The following CASQ1 variants were observed in gnomAD, a reference collection of about 807,000 sequenced individuals.
CASQ1 encodes calsequestrin 1, also known as calsequestrin-1.
In CASQ1, 40 loss-of-function variants were observed where a neutral mutation model predicts 49.5. The observed-to-expected ratio is 0.81, with a 90% confidence interval of 0.63 to 1.05. CASQ1 has a LOEUF of 1.05. Among genes scored for constraint, CASQ1 ranks in the 50% least tolerant of loss-of-function variants. The pLI, the probability that CASQ1 is intolerant of heterozygous loss-of-function variation, is 0.00. For missense variants in CASQ1, 469 were observed against 486.9 expected, an observed-to-expected ratio of 0.96 and a Z score of 0.35; for synonymous variants, 174 against 187.2, an observed-to-expected ratio of 0.93 and a Z score of 0.58.
rs34489853 is a variant in CASQ1 at position 160,193,801 on chromosome 1, A to T, written c.419A>T (p.Tyr140Phe). 3.4e-3 allele frequency: 5,549 copies of T among 1,613,066 alleles called. 154 individuals carry two copies. In the African/African-American group the frequency reaches 0.062, roughly 18 times the overall value. The part of the protein sequence containing the change: ...YVFKGDEVIE[Y>F]DGEFSADTIV... ...TTCAAGGGAGATGAAGTCATTGAGT[A>T]CGATGGCGAGTTTTCTGCTGACACC... The change falls in exon 3 of 11, where the codon TAC becomes TTC. Residue 140 changes from tyrosine to phenylalanine, a missense_variant. Coordinates refer to ENST00000368078, the MANE Select transcript of CASQ1 (RefSeq NM_001231.5).
chr1:160,197,666 G>A lies in CASQ1; in HGVS notation c.828+52G>A, dbSNP rs1654273903. 3 of 1,299,486 alleles carry A rather than the reference G, an allele frequency of 2.3e-6. No individual in the cohort carries two copies. In the South Asian group the frequency reaches 3.5e-5, roughly 15 times the overall value. 80.5% of individuals were successfully genotyped at this position (1,299,486 alleles called of 1,614,324 possible). A position where few individuals can be genotyped will look rare whatever the true frequency, so the allele number is the denominator to read the frequency against. ...CCTCAGGGAAGCATGGGTGCCAGAA[G>A]ACTCAAGTCCTAGAAAAACCCCACC... On this transcript the variant is annotated intron_variant, in intron 7 of 10. Coordinates refer to ENST00000368078, the MANE Select transcript of CASQ1 (RefSeq NM_001231.5).
At position 160,195,942 on chromosome 1, in the gene CASQ1, G is replaced by A. The variant is rs761244024; in HGVS notation, c.697G>A (p.Glu233Lys). ...GAAGCTGAATGAGATTGATTTCTAC[G>A]AGGCCTTCATGGAAGAGCCTGTGAC... ...TLKLNEIDFY[E>K]AFMEEPVTIP... The change falls in exon 6 of 11, where the codon GAG (glutamate) becomes AAG (lysine). Residue 233 changes from glutamate to lysine, a missense_variant. Transcript: ENST00000368078. 2.0e-5 allele frequency: 33 copies of A among 1,613,858 alleles called. No homozygotes were observed. Among genetic ancestry groups the A allele is most frequent in the African/African-American group, 8.0e-5 (6 of 74,866 alleles).
chr1:160,198,685 T>G lies in CASQ1; in HGVS notation c.837T>G (p.Asp279Glu), dbSNP rs1553192858. 6 of 1,613,576 alleles carry G rather than the reference T, an allele frequency of 3.7e-6. No individual in the cohort carries two copies. The highest frequency in any genetic ancestry group is 5.1e-6 in the Non-Finnish European group (6 of 1,179,498). ...TTCTTACCCCCTGACAGGAGGATGA[T>G]ATGGATGGAATCCACATTGTGGCCT... ...PESMYETWED[D>E]MDGIHIVAFA... The change falls in exon 8 of 11, where the codon GAT becomes GAG. Residue 279 changes from aspartate (D) to glutamate (E), a missense_variant. By Grantham distance (45) the Asp-to-Glu change is conservative (BLOSUM62 2). Transcript: ENST00000368078.
chr1:160,197,686 C>T, intron 7 of CASQ1, 72 bp downstream of exon 7: 1 of 1,037,810 alleles, frequency 9.6e-7, no homozygotes, highest in Non-Finnish European at 1.5e-6. Flanking sequence ...CTAGAAAAAC[C>T]CCACCCTACT....
At chr1:160,195,217 C>T in intron 4 of CASQ1, 94 bp downstream of exon 4, 6 of 828,758 alleles carry the variant, frequency 7.2e-6, no homozygotes, top group Middle Eastern at 2.8e-4. Flanking sequence ...TCAGCCTCTA[C>T]CTCTGCACTT....
intron 6 of CASQ1, 43 bp downstream of exon 6, chr1:160,196,070 T>C: frequency 1.2e-6 from 2 of 1,604,214 alleles, no homozygotes; most frequent in South Asian, 1.1e-5. Flanking sequence ...CGGCTCCTCC[T>C]TGGGCTAGAA....
chr1:160,199,803 T>TG (rs745805395), intron 9 of CASQ1, 48 bp from the exon 10 acceptor site: 22 of 1,269,526 alleles, frequency 1.7e-5, no homozygotes, highest in Non-Finnish European at 2.5e-5. Flanking sequence ...CCTGGATTCA[T>TG]GTGCTCCCTA....
At chr1:160,192,977 G>A (rs1272990687) in intron 2 of CASQ1, 91 bp downstream of exon 2, 6 of 967,710 alleles carry the variant, frequency 6.2e-6, no homozygotes, top group Admixed American at 1.8e-5. Flanking sequence ...CTTGGGATCC[G>A]AGGGGCTTGG....
intron 9 of CASQ1, 98 bp from the exon 10 acceptor site, chr1:160,199,753 G>A: frequency 2.5e-6 from 2 of 810,884 alleles, no homozygotes; most frequent in Non-Finnish European, 4.3e-6. Flanking sequence ...AGTTCGCACT[G>A]TCCCCTCTCC....
Position 160,195,162 on chromosome 1 carries a change from T to C in CASQ1, c.577+39T>C, listed in dbSNP as rs1236408396. ...AGACTCCACTGTGCCCCTCTCTGGA[T>C]CCCCATCTCACCTGTCCTCCCACCT... On this transcript the variant is annotated intron_variant, in intron 4 of 10. Transcript: ENST00000368078. The C allele has an allele frequency of 3.8e-6, 5 of 1,304,336 alleles. No individual in the cohort carries two copies. The South Asian group carries it at 6.4e-5, about 17-fold the overall frequency. 80.8% of individuals were successfully genotyped at this position (1,304,336 alleles called of 1,614,324 possible). A position where few individuals can be genotyped will look rare whatever the true frequency, so the allele number is the denominator to read the frequency against.
In CASQ1 at chr1:160,190,801, T is replaced by A. The variant is rs1654055300; in HGVS notation, c.50T>A (p.Leu17Gln). 1 of 1,614,176 alleles carries A rather than the reference T, an allele frequency of 6.2e-7. No individual in the cohort carries two copies. The highest frequency in any genetic ancestry group is 8.5e-7 in the Non-Finnish European group (1 of 1,180,006). The stretch of plus-strand genomic sequence containing the variant: ...CCCAGAGCTGTGCCGGGTCTGCGGC[T>A]GGCACTGCTGTTGCTGCTGGTGCTA... Reference protein sequence around the residue: ...MGPRAVPGLRLALLLLLVLGT... With the variant: ...MGPRAVPGLRQALLLLLVLGT... Residue 17 changes from leucine (L) to glutamine (Q), a missense_variant, in exon 1 of 11, where the codon CTG becomes CAG. Coordinates refer to ENST00000368078, the MANE Select transcript of CASQ1 (RefSeq NM_001231.5).
At chr1:160,192,604 A>AT in intron 1 of CASQ1, 198 bp from the exon 2 acceptor site, 1 of 587,718 alleles carries the variant, frequency 1.7e-6, no homozygotes, top group Non-Finnish European at 3.1e-6. Context: ...AGCAATCAAT[A>AT]TTCATGAACT....
chr1:160,196,233 G>A (rs187015726), intron 6 of CASQ1, among the ~76,000 whole-genome samples: 73 of 152,208 alleles, frequency 4.8e-4, no homozygotes, highest in African/African-American at 1.6e-3. Context: ...GCCCTACACC[G>A]AGAGGGTCCT....
At chr1:160,200,323 G>A (rs577744786) in intron 10 of CASQ1, among the ~76,000 whole-genome samples, 25 of 152,142 alleles carry the variant, frequency 1.6e-4, no homozygotes, top group Non-Finnish European at 3.4e-4. Flanking sequence ...CACACAGTAG[G>A]TGCTTCAAAA....
rs757491241 is a variant in CASQ1, at chr1:160,190,840, C to A, written c.89C>A (p.Ser30Ter). 10 of 1,614,046 alleles carry A rather than the reference C, an allele frequency of 6.2e-6. No individual in the cohort carries two copies. Among genetic ancestry groups the A allele is most frequent in the Middle Eastern group, 1.6e-4 (1 of 6,084 alleles). The change falls in exon 1 of 11, where the codon TCA (serine) becomes TAA (stop). Residue 30 changes from serine (S) to a stop codon, truncating the protein, a stop_gained. Coordinates refer to ENST00000368078, the MANE Select transcript of CASQ1 (RefSeq NM_001231.5). LOFTEE classifies it high-confidence loss of function. Reference sequence around the variant, plus strand: ...CTGCTGGTGCTAGGGACACCCAAGTCAGGGGTACAGGGGCAGGAAGGGCTG... The same window carrying A: ...CTGCTGGTGCTAGGGACACCCAAGTAAGGGGTACAGGGGCAGGAAGGGCTG... The part of the protein sequence containing the change: ...LLLLVLGTPK[S>*]GVQGQEGLDF...
chr1:160,194,753 C>T (rs890829539), intron 3 of CASQ1, among the ~76,000 whole-genome samples: 1 of 151,106 alleles, frequency 6.6e-6, no homozygotes, highest in African/African-American at 2.4e-5. Flanking sequence ...CATCCACACA[C>T]ATCACACACA....
intron 9 of CASQ1, among the ~76,000 whole-genome samples, chr1:160,199,566 C>A (rs1355815546): frequency 6.6e-6 from 1 of 152,208 alleles, no homozygotes; most frequent in Non-Finnish European, 1.5e-5. Context: ...ACCTTGAACA[C>A]AAGGATCTGA....
chr1:160,199,600 T>C (rs1440707088), intron 9 of CASQ1, among the ~76,000 whole-genome samples: 1 of 152,188 alleles, frequency 6.6e-6, no homozygotes, highest in Non-Finnish European at 1.5e-5. Flanking sequence ...CAGGGTTTCC[T>C]ATCCAGTTTT....
intron 5 of CASQ1, 125 bp downstream of exon 5, chr1:160,195,659 C>CG (rs371052772): frequency 9.4e-5 from 78 of 825,784 alleles, no homozygotes; most frequent in South Asian, 3.8e-4. Context: ...CCTGCCCCCC[C>CG]CCCCGGCTCC....
Sources: allele counts gnomAD v4.1 joint callset (sites outside exome capture counted in the v4.1 genomes callset), GRCh38; gene constraint gnomAD v4.1.1; transcripts MANE v1.5; gene names NCBI Gene and HGNC (gene_info 2026-07-23, HGNC 2026-07-21).